DRC1: variants seen among roughly 807,000 people sequenced by gnomAD.
The protein encoded by DRC1 is dynein regulatory complex subunit 1.
A neutral mutation model predicts 98.7 loss-of-function variants in DRC1; 74 were observed. The observed-to-expected ratio is 0.75, with a 90% CI of 0.62 to 0.91. The LOEUF (loss-of-function observed/expected upper bound fraction) is 0.91. Among genes scored for constraint, DRC1 ranks in the 40% least tolerant of loss-of-function variants. The pLI is 0.00. For synonymous variants in DRC1, 336 were observed against 334.1 expected (o/e 1.01, Z -0.06); for missense variants, 875 against 886.0 (o/e 0.99, Z 0.16).
chr2:26,424,498 T>C, intron 4 of DRC1, 44 bp downstream of exon 4: 1 of 1,566,030 alleles, frequency 6.4e-7, no homozygotes, highest in South Asian at 1.2e-5. Context: ...GGGATCTGCC[T>C]GGGATTTAGC....
chr2:26,435,923 A>G (rs1663559124), intron 7 of DRC1, among the ~76,000 whole-genome samples: 1 of 152,170 alleles, frequency 6.6e-6, no homozygotes, highest in African/African-American at 2.4e-5. Flanking sequence ...GAACATATGC[A>G]TGCATGTGTC....
Position 26,429,677 on chromosome 2 carries a change from C to A in DRC1, c.590C>A (p.Ser197Ter). 1.2e-6 allele frequency: 2 copies of A among 1,614,104 alleles called. No individual in the cohort carries two copies. The highest frequency in any genetic ancestry group is 2.2e-5 in the South Asian group (2 of 91,052). The change falls in exon 5 of 17, where the codon TCA becomes TAA. Residue 197 changes from serine (S) to a stop codon, truncating the protein, a stop_gained. Coordinates refer to ENST00000288710, the MANE Select transcript of DRC1 (RefSeq NM_145038.5). LOFTEE classifies it high-confidence loss of function. ...DQYVKDLKKQ[S>*]DDICLLLERM... ...TATGTGAAGGATTTGAAGAAACAGT[C>A]AGATGACATCTGCCTGCTTCTGGAG...
At chr2:26,439,708 T>G (rs34856129) in intron 7 of DRC1, among the ~76,000 whole-genome samples, 133,314 of 151,290 alleles carry the variant, frequency 0.88, 59,701 homozygotes, top group Non-Finnish European at 0.93. Context: ...AGCAGAGTTA[T>G]TTGGACTTGA....
At position 26,429,625 on chromosome 2, in the gene DRC1, T is replaced by C. The variant is rs1663379576; in HGVS notation, c.541-3T>C. The C allele has an allele frequency of 7.4e-6, 12 of 1,613,584 alleles. No homozygotes were observed. The East Asian group carries it at 2.7e-4, about 36-fold the overall frequency. On this transcript the variant is annotated splice_polypyrimidine_tract_variant and splice_region_variant and intron_variant, in intron 4 of 16. Transcript: ENST00000288710. The stretch of plus-strand genomic sequence containing the variant: ...GGCCAGACTTTTACATGCTCTTTTC[T>C]AGGAGTTAAAAACAAAGGATGACCA...
At position 26,455,246 on chromosome 2, in the gene DRC1, G is replaced by T; in HGVS notation, c.2166+13G>T. The stretch of plus-strand genomic sequence containing the variant: ...TCTGAACTCCAAGGTGGGCGGCGGG[G>T]CCTTCCAAGGAGGGGCAGCGGGAGA... On this transcript the variant is annotated intron_variant, in intron 16 of 16. Coordinates refer to ENST00000288710, the MANE Select transcript of DRC1 (RefSeq NM_145038.5). 1.9e-6 allele frequency: 3 copies of T among 1,609,676 alleles called. No individual in the cohort carries two copies. Among genetic ancestry groups the T allele is most frequent in the Non-Finnish European group, 2.5e-6 (3 of 1,177,654 alleles).
intron 1 of DRC1, among the ~76,000 whole-genome samples, chr2:26,406,813 C>CTTTTTT (rs5830010): frequency 9.8e-5 from 10 of 101,614 alleles, no homozygotes; most frequent in African/African-American, 1.7e-4. Context: ...TGTCACTTTC[C>CTTTTTT]TTTTTTTTTT....
intron 4 of DRC1, among the ~76,000 whole-genome samples, chr2:26,426,339 C>T (rs1260617165): frequency 6.6e-6 from 1 of 151,574 alleles, no homozygotes; most frequent in Non-Finnish European, 1.5e-5. Flanking sequence ...TTCTTTAATT[C>T]CTGTTGCTCT....
At chr2:26,419,507 T>C (rs970119878) in intron 2 of DRC1, among the ~76,000 whole-genome samples, 2 of 152,208 alleles carry the variant, frequency 1.3e-5, no homozygotes, top group African/African-American at 4.8e-5. Flanking sequence ...AACCATTTTG[T>C]ACAAGTGATA....
intron 8 of DRC1, among the ~76,000 whole-genome samples, chr2:26,443,062 T>G (rs1663758166): frequency 6.6e-6 from 1 of 152,254 alleles, no homozygotes; most frequent in Non-Finnish European, 1.5e-5. Flanking sequence ...GGTTAGCTGT[T>G]TCTTTCTATC....
chr2:26,406,136 T>C (rs942946339), intron 1 of DRC1, among the ~76,000 whole-genome samples: 2 of 152,222 alleles, frequency 1.3e-5, no homozygotes, highest in African/African-American at 2.4e-5. Context: ...TATGTTATAT[T>C]GAAGCTTACA....
rs1678253492 is a variant in DRC1, at chr2:26,401,960, G to A, written c.-30G>A. ...CCTGAGGTCTGGAGGTGGTGCGGAG[G>A]GAGCCGCCTAGGGACCAGGGACTCC... On this transcript the variant is annotated 5_prime_UTR_variant, in exon 1 of 17. Coordinates refer to ENST00000288710, the MANE Select transcript of DRC1 (RefSeq NM_145038.5). 1.3e-6 allele frequency: 2 copies of A among 1,570,620 alleles called. No homozygotes were observed. The highest frequency in any genetic ancestry group is 1.4e-5 in the African/African-American group (1 of 74,024).
chr2:26,452,751 C>G (rs532011954), intron 13 of DRC1, among the ~76,000 whole-genome samples: 125 of 152,124 alleles, frequency 8.2e-4, no homozygotes, highest in African/African-American at 2.9e-3. Flanking sequence ...GAAAAGGTAC[C>G]TAAGGTTTAT....
chr2:26,444,443 T>C (rs912259105), intron 9 of DRC1, 87 bp downstream of exon 9: 1 of 1,529,578 alleles, frequency 6.5e-7, no homozygotes, highest in Non-Finnish European at 8.8e-7. Context: ...TTCGTTGGAC[T>C]TGATGTCACC....
intron 10 of DRC1, among the ~76,000 whole-genome samples, chr2:26,446,444 C>T (rs1248718487): frequency 1.3e-5 from 2 of 152,060 alleles, no homozygotes; most frequent in East Asian, 1.9e-4. Context: ...TTTGGATTGG[C>T]CATTGTTTCT....
intron 2 of DRC1, among the ~76,000 whole-genome samples, chr2:26,416,003 T>C (rs1678790315): frequency 6.6e-6 from 1 of 151,860 alleles, no homozygotes; most frequent in Admixed American, 6.6e-5. Flanking sequence ...GGATATTAGA[T>C]TTTTTAAAAT....
intron 7 of DRC1, among the ~76,000 whole-genome samples, chr2:26,434,669 A>G (rs1663524510): frequency 6.6e-6 from 1 of 152,184 alleles, no homozygotes; most frequent in Admixed American, 6.5e-5. Flanking sequence ...AGGCAGGTGG[A>G]TCATGAGGTC....
chr2:26,418,608 TA>T (rs1204025572), intron 2 of DRC1, among the ~76,000 whole-genome samples: 4,360 of 99,636 alleles, frequency 0.044, 167 homozygotes, highest in African/African-American at 0.11. Flanking sequence ...ATATAATATA[TA>T]AATTATATAT....
At position 26,429,759 on chromosome 2, in the gene DRC1, C is replaced by T; in HGVS notation, c.672C>T (p.Asn224=). Residue 224 remains asparagine, a synonymous_variant, in exon 5 of 17, where the codon AAC becomes AAT. Transcript: ENST00000288710. The part of the protein sequence containing the change: ...VMKTFREELY[N]IEKAFEVERQ... ...AAACCTTTCGTGAGGAGCTCTATAA[C>T]ATTGAGGTAACAGGGTGTGAAAAGA... 1 of 1,614,006 alleles carries T rather than the reference C, an allele frequency of 6.2e-7. No homozygotes were observed. Among genetic ancestry groups the T allele is most frequent in the Non-Finnish European group, 8.5e-7 (1 of 1,179,946 alleles).
intron 11 of DRC1, among the ~76,000 whole-genome samples, chr2:26,449,645 G>A (rs986659661): frequency 2.0e-5 from 3 of 152,252 alleles, no homozygotes; most frequent in African/African-American, 7.2e-5. Flanking sequence ...GACTATGGGT[G>A]AAGCAGGAGC....
Sources: allele counts gnomAD v4.1 joint callset (sites outside exome capture counted in the v4.1 genomes callset), GRCh38; gene constraint gnomAD v4.1.1; transcripts MANE v1.5; gene names NCBI Gene and HGNC (gene_info 2026-07-23, HGNC 2026-07-21).